Variants in MCC observed in about 807,000 individuals in gnomAD.
MCC encodes the protein MCC regulator of Wnt signaling pathway.
In MCC, 90 loss-of-function variants were observed where a neutral mutation model predicts 116.2. The observed-to-expected ratio is 0.77, with a 90% CI of 0.65 to 0.92. The LOEUF (loss-of-function observed/expected upper bound fraction) is 0.92, where lower values mean the gene tolerates loss of function less well. Ranked by LOEUF, MCC falls within the 40% of genes least tolerant of loss-of-function variation. The pLI is 0.00. For missense variants in MCC, 1,516 were observed against 1,312.2 expected (o/e 1.16, Z -2.40); for synonymous variants, 578 against 510.5 (o/e 1.13, Z -1.78).
At chr5:113,049,565 T>C (rs1051356645) in intron 15 of MCC, among the ~76,000 whole-genome samples, 5 of 152,216 alleles carry the variant, frequency 3.3e-5, no homozygotes, top group South Asian at 2.1e-4. Flanking sequence ...ACAGGCAAGA[T>C]TGTGGTTCAA....
intron 3 of MCC, among the ~76,000 whole-genome samples, chr5:113,175,198 T>C (rs1301028091): frequency 6.6e-6 from 1 of 152,184 alleles, no homozygotes; most frequent in African/African-American, 2.4e-5. Flanking sequence ...AATAGACATG[T>C]CAATAAATTT....
chr5:113,277,227 A>C (rs571688124), intron 3 of MCC, among the ~76,000 whole-genome samples: 6 of 151,700 alleles, frequency 4.0e-5, no homozygotes, highest in African/African-American at 1.2e-4. Context: ...AAACAGCCAG[A>C]CATCATGGCG....
chr5:113,084,899 CT>C (rs1755098643), intron 9 of MCC, among the ~76,000 whole-genome samples: 1 of 152,224 alleles, frequency 6.6e-6, no homozygotes, highest in South Asian at 2.1e-4. Context: ...ACGTCTCACT[CT>C]CCATAATGAC....
At chr5:113,382,506 G>C (rs1173734494) in intron 2 of MCC, among the ~76,000 whole-genome samples, 2 of 151,840 alleles carry the variant, frequency 1.3e-5, no homozygotes, top group East Asian at 1.9e-4. Context: ...CTCCCGCCTC[G>C]GCCTCCTAAA....
chr5:113,289,165 T>C (rs1234624848), intron 3 of MCC, among the ~76,000 whole-genome samples: 1 of 152,028 alleles, frequency 6.6e-6, no homozygotes, highest in East Asian at 1.9e-4. Flanking sequence ...ACTCTGTCTC[T>C]ACTAAAAATA....
chr5:113,291,888 C>T (rs917327480), intron 3 of MCC, among the ~76,000 whole-genome samples: 1 of 152,106 alleles, frequency 6.6e-6, no homozygotes, highest in Non-Finnish European at 1.5e-5. Context: ...AAAGTTATTG[C>T]CCATGTTAAA....
At chr5:113,033,641 AATGTATT>A (rs1011636948) in intron 17 of MCC, among the ~76,000 whole-genome samples, 1 of 152,204 alleles carries the variant, frequency 6.6e-6, no homozygotes, top group African/African-American at 2.4e-5. Flanking sequence ...CTTCAATAGT[AATGTATT>A]CATACAGTGT....
intron 3 of MCC, among the ~76,000 whole-genome samples, chr5:113,302,824 C>T (rs1766896177): frequency 6.6e-6 from 1 of 152,118 alleles, no homozygotes; most frequent in African/African-American, 2.4e-5. Context: ...ATAATTATTC[C>T]TTCTGTGTAA....
At chr5:113,134,875 A>G (rs1251431960) in intron 5 of MCC, among the ~76,000 whole-genome samples, 2 of 151,236 alleles carry the variant, frequency 1.3e-5, no homozygotes, top group African/African-American at 4.9e-5. Context: ...GGATCTTTCC[A>G]CTTGTTTGCA....
chr5:113,268,750 C>T (rs951022185), intron 3 of MCC, among the ~76,000 whole-genome samples: 2 of 152,100 alleles, frequency 1.3e-5, no homozygotes, highest in African/African-American at 4.8e-5. Context: ...TCTTTAAAAT[C>T]ATCCCTTAGT....
chr5:113,143,125 C>T (rs922602426), intron 5 of MCC, 93 bp downstream of exon 5: 105 of 1,350,268 alleles, frequency 7.8e-5, no homozygotes, highest in Non-Finnish European at 9.2e-5. Flanking sequence ...ACTAGAACTT[C>T]GGTCTTGGAG....
At chr5:113,228,351 C>T (rs556285056) in intron 3 of MCC, among the ~76,000 whole-genome samples, 8 of 152,108 alleles carry the variant, frequency 5.3e-5, no homozygotes, top group African/African-American at 1.9e-4. Context: ...ACACCACCCC[C>T]CGAATGGTGC....
intron 3 of MCC, among the ~76,000 whole-genome samples, chr5:113,151,982 T>C (rs1421578713): frequency 1.3e-5 from 2 of 152,154 alleles, no homozygotes; most frequent in Non-Finnish European, 1.5e-5. Flanking sequence ...TGTTGGGTCT[T>C]CCCTCCTCTT....
At chr5:113,462,967 G>A (rs988418521) in intron 1 of MCC, among the ~76,000 whole-genome samples, 1 of 152,004 alleles carries the variant, frequency 6.6e-6, no homozygotes. Context: ...AGTAACACAA[G>A]AAATACTTAG....
intron 8 of MCC, among the ~76,000 whole-genome samples, chr5:113,094,097 C>G (rs566447149): frequency 2.6e-5 from 4 of 152,200 alleles, no homozygotes; most frequent in Non-Finnish European, 5.9e-5. Context: ...CCGAGAACCA[C>G]ACCTCTTATT....
At chr5:113,465,501 G>C (rs1402483648) in intron 1 of MCC, among the ~76,000 whole-genome samples, 2 of 152,092 alleles carry the variant, frequency 1.3e-5, no homozygotes, top group Non-Finnish European at 2.9e-5. Context: ...AGGAAAAAGT[G>C]AAGAAAAAGA....
intron 3 of MCC, among the ~76,000 whole-genome samples, chr5:113,297,155 G>A (rs976428264): frequency 6.6e-6 from 1 of 152,210 alleles, no homozygotes; most frequent in African/African-American, 2.4e-5. Flanking sequence ...AGTGGGAAAT[G>A]AACATGCCGA....
intron 3 of MCC, among the ~76,000 whole-genome samples, chr5:113,340,240 G>A (rs1767976614): frequency 6.6e-6 from 1 of 152,188 alleles, no homozygotes; most frequent in Admixed American, 6.5e-5. Flanking sequence ...TCTAGTTATG[G>A]AAGAGCTGTT....
intron 1 of MCC, among the ~76,000 whole-genome samples, chr5:113,402,923 C>G (rs6594714): frequency 0.17 from 26,041 of 152,000 alleles, 2,450 homozygotes; most frequent in Non-Finnish European, 0.22. Context: ...GCCTTCACAC[C>G]CAGATAATTT....
Sources: allele counts gnomAD v4.1 joint callset (sites outside exome capture counted in the v4.1 genomes callset), GRCh38; gene constraint gnomAD v4.1.1; transcripts MANE v1.5; gene names NCBI Gene and HGNC (gene_info 2026-07-23, HGNC 2026-07-21).